The following GALNTL6 variants were observed in gnomAD, a reference collection of about 807,000 sequenced individuals.
GALNTL6 encodes the protein polypeptide N-acetylgalactosaminyltransferase-like 6.
GALNTL6 carries 46 observed loss-of-function variants against 73.7 expected under a neutral mutation model. That is an observed-to-expected ratio of 0.62 (90% CI 0.49 to 0.80). The LOEUF (loss-of-function observed/expected upper bound fraction) is 0.80. GALNTL6 is among the 30% of genes least tolerant of loss of function. The probability of loss-of-function intolerance (pLI) is 0.00; values close to 1 mark genes in which losing one functional copy is unlikely to be tolerated. For synonymous variants in GALNTL6, 259 were observed against 263.7 expected, an observed-to-expected ratio of 0.98 and a Z score of 0.17; for missense variants, 604 against 755.0, an observed-to-expected ratio of 0.80 and a Z score of 2.34.
intron 5 of GALNTL6, among the ~76,000 whole-genome samples, chr4:172,576,018 T>C (rs2110960648): frequency 6.6e-6 from 1 of 152,310 alleles, no homozygotes; most frequent in African/African-American, 2.4e-5. Flanking sequence ...TTAATTCTAT[T>C]TTATTGATCA....
At chr4:172,279,401 G>A (rs753062754) in intron 3 of GALNTL6, among the ~76,000 whole-genome samples, 3 of 149,936 alleles carry the variant, frequency 2.0e-5, no homozygotes, top group Non-Finnish European at 4.4e-5. Context: ...ATGAATAAAT[G>A]ACTTCAATAG....
chr4:172,068,130 A>G (rs1731416426), intron 2 of GALNTL6, among the ~76,000 whole-genome samples: 1 of 108,360 alleles, frequency 9.2e-6, no homozygotes, highest in African/African-American at 3.5e-5. Context: ...ACCAGTGGGT[A>G]GATTTATACA....
At chr4:172,347,820 T>G (rs1256453809) in intron 4 of GALNTL6, among the ~76,000 whole-genome samples, 6 of 152,210 alleles carry the variant, frequency 3.9e-5, no homozygotes, top group Non-Finnish European at 7.3e-5. Flanking sequence ...ATTATTAGGT[T>G]AAATAATGAA....
At chr4:171,925,769 G>T (rs1297940317) in intron 2 of GALNTL6, among the ~76,000 whole-genome samples, 1 of 151,960 alleles carries the variant, frequency 6.6e-6, no homozygotes, top group Non-Finnish European at 1.5e-5. Flanking sequence ...GTTTTTCTTT[G>T]TATTGATGAT....
intron 2 of GALNTL6, among the ~76,000 whole-genome samples, chr4:172,066,295 C>T (rs1466911166): frequency 6.6e-6 from 1 of 152,176 alleles, no homozygotes; most frequent in Non-Finnish European, 1.5e-5. Context: ...GATCTCTTTA[C>T]TATCTCCATA....
At chr4:172,894,954 G>GT (rs34952191) in intron 8 of GALNTL6, among the ~76,000 whole-genome samples, 44,081 of 142,444 alleles carry the variant, frequency 0.31, 7,641 homozygotes, top group South Asian at 0.42. Flanking sequence ...TTTTTTTACA[G>GT]TTTTTTTTTT....
intron 2 of GALNTL6, among the ~76,000 whole-genome samples, chr4:172,101,048 G>A (rs769469623): frequency 6.6e-6 from 1 of 152,082 alleles, no homozygotes; most frequent in Non-Finnish European, 1.5e-5. Context: ...ATTGGAAAAC[G>A]AGGAGTTGGT....
intron 2 of GALNTL6, among the ~76,000 whole-genome samples, chr4:171,956,017 A>G (rs1212706862): frequency 7.3e-6 from 1 of 137,208 alleles, no homozygotes; most frequent in African/African-American, 2.8e-5. Flanking sequence ...TGTGTGTGGG[A>G]CAGGGCCTCA....
At position 172,729,120 on chromosome 4, in the gene GALNTL6, G is replaced by A. The variant is rs567056915; in HGVS notation, c.554-80241G>A. 2.2e-4 allele frequency among the ~76,000 whole-genome samples: 34 copies of A among 152,068 alleles called. 1 individual carries two copies. The South Asian group carries it at 5.6e-3, about 25-fold the overall frequency. On this transcript the variant is annotated intron_variant, in intron 5 of 12. Coordinates refer to ENST00000506823, the MANE Select transcript of GALNTL6 (RefSeq NM_001034845.3). ...GAGCTCCTTATATATTATATATTCT[G>A]GTTATTAATCCCCTTTCAGATGGAT...
intron 5 of GALNTL6, among the ~76,000 whole-genome samples, chr4:172,691,635 A>T (rs1345521146): frequency 6.6e-6 from 1 of 152,188 alleles, no homozygotes; most frequent in Non-Finnish European, 1.5e-5. Flanking sequence ...GGCAAGGCAG[A>T]TGACTCTGCC....
intron 5 of GALNTL6, among the ~76,000 whole-genome samples, chr4:172,614,214 TAGAG>T (rs1738634068): frequency 6.6e-6 from 1 of 152,074 alleles, no homozygotes; most frequent in South Asian, 2.1e-4. Context: ...GTTTATGTAA[TAGAG>T]TGATAGGTAG....
chr4:172,068,336 A>G (rs1731419849), intron 2 of GALNTL6, among the ~76,000 whole-genome samples: 1 of 109,816 alleles, frequency 9.1e-6, no homozygotes, highest in Non-Finnish European at 2.0e-5. Flanking sequence ...AACATACTCT[A>G]TCAGTCTCAG....
intron 3 of GALNTL6, among the ~76,000 whole-genome samples, chr4:172,286,421 G>A (rs1391242081): frequency 6.6e-6 from 1 of 152,172 alleles, no homozygotes; most frequent in Non-Finnish European, 1.5e-5. Context: ...AGATAAATAG[G>A]ATGAGGAGGG....
chr4:172,963,010 AG>A (rs1370104549), intron 10 of GALNTL6, among the ~76,000 whole-genome samples: 6 of 152,070 alleles, frequency 3.9e-5, no homozygotes, highest in Non-Finnish European at 5.9e-5. Flanking sequence ...ATCTATTTCT[AG>A]GTAAAAATGA....
At chr4:172,518,678 G>A (rs1339237849) in intron 5 of GALNTL6, among the ~76,000 whole-genome samples, 4 of 151,722 alleles carry the variant, frequency 2.6e-5, no homozygotes, top group Non-Finnish European at 5.9e-5. Context: ...CTTCTTAATC[G>A]ATAACATTTC....
At chr4:172,099,725 T>A (rs764791974) in intron 2 of GALNTL6, among the ~76,000 whole-genome samples, 13 of 152,184 alleles carry the variant, frequency 8.5e-5, no homozygotes, top group Admixed American at 3.3e-4. Context: ...GTTCATTGCA[T>A]GCTGAACATA....
At chr4:171,905,325 A>T (rs1737241005) in intron 2 of GALNTL6, among the ~76,000 whole-genome samples, 1 of 151,472 alleles carries the variant, frequency 6.6e-6, no homozygotes, top group Non-Finnish European at 1.5e-5. Context: ...GGAAAACTAA[A>T]AAAGGCAGGG....
intron 10 of GALNTL6, among the ~76,000 whole-genome samples, chr4:172,977,019 CTT>C (rs1398434821): frequency 1.3e-5 from 2 of 152,196 alleles, no homozygotes; most frequent in Non-Finnish European, 2.9e-5. Context: ...TTGGAAACCT[CTT>C]TATTGATTTT....
At chr4:172,619,266 C>T (rs1311677884) in intron 5 of GALNTL6, among the ~76,000 whole-genome samples, 1 of 152,126 alleles carries the variant, frequency 6.6e-6, no homozygotes, top group African/African-American at 2.4e-5. Flanking sequence ...GCCAGATCGA[C>T]AGCCAATCAC....
Sources: gnomAD v4.1 joint callset for allele counts (sites outside exome capture counted in the v4.1 genomes callset) on GRCh38, gnomAD v4.1.1 for gene constraint, MANE v1.5 for transcripts, NCBI Gene and HGNC (gene_info 2026-07-23, HGNC 2026-07-21) for gene names.